Variants in MYO16 observed in about 807,000 individuals in gnomAD.
MYO16 encodes the protein myosin XVI, also known as unconventional myosin-XVI.
In MYO16, 94 loss-of-function variants were observed where a neutral mutation model predicts 205.3. The observed-to-expected ratio is 0.46, with a 90% CI of 0.39 to 0.54. The LOEUF (loss-of-function observed/expected upper bound fraction) is 0.54. MYO16 is among the 20% of genes least tolerant of loss of function. The pLI is 0.00. For synonymous variants in MYO16, 988 were observed against 954.0 expected (o/e 1.04, Z -0.66); for missense variants, 2,315 against 2,387.5 (o/e 0.97, Z 0.63).
upstream of MYO16, among the ~76,000 whole-genome samples, chr13:108,628,165 G>C (rs1181984763): frequency 6.6e-6 from 1 of 152,096 alleles, no homozygotes; most frequent in African/African-American, 2.4e-5. Flanking sequence ...GGTATATAAA[G>C]GCTCTGTTTT....
chr13:108,761,078 C>T (rs986432562), intron 4 of MYO16, among the ~76,000 whole-genome samples: 1 of 152,040 alleles, frequency 6.6e-6, no homozygotes, highest in Non-Finnish European at 1.5e-5. Context: ...CCTTTTTTTG[C>T]CGTTTATCTG....
At chr13:108,604,714 C>T (rs920881671) in intron 1 of MYO16, among the ~76,000 whole-genome samples, 1 of 152,012 alleles carries the variant, frequency 6.6e-6, no homozygotes, top group Admixed American at 6.6e-5. Flanking sequence ...ATGAATATTC[C>T]TTTAGCTGAT....
chr13:108,592,651 G>C (rs1163781163), upstream of MYO16, among the ~76,000 whole-genome samples: 8 of 149,610 alleles, frequency 5.3e-5, no homozygotes, highest in African/African-American at 2.0e-4. Context: ...AGCTGTGTAA[G>C]AGGGAGTGTG....
At chr13:108,498,499 C>T in the MYO16 span, among the ~76,000 whole-genome samples, 1 of 152,138 alleles carries the variant, frequency 6.6e-6, no homozygotes, top group African/African-American at 2.4e-5. Context: ...TCCTTACTCC[C>T]TTCCTGTGTG....
At chr13:108,917,068 G>A (rs981866207) in intron 16 of MYO16, among the ~76,000 whole-genome samples, 3 of 151,270 alleles carry the variant, frequency 2.0e-5, no homozygotes, top group African/African-American at 4.9e-5. Flanking sequence ...ACTCAAATGC[G>A]GCTTCTCTCT....
intron 27 of MYO16, among the ~76,000 whole-genome samples, chr13:109,076,486 CAG>C (rs1888107696): frequency 6.6e-6 from 1 of 152,174 alleles, no homozygotes; most frequent in Admixed American, 6.5e-5. Context: ...TTAATGCAAA[CAG>C]AAACAGCTCC....
intron 21 of MYO16, among the ~76,000 whole-genome samples, chr13:109,007,220 C>G (rs750557079): frequency 2.0e-5 from 3 of 151,990 alleles, no homozygotes; most frequent in South Asian, 2.1e-4. Context: ...AACCCCATCT[C>G]TACTAAAAAT....
At chr13:109,149,946 T>C (rs1352653520) in intron 32 of MYO16, among the ~76,000 whole-genome samples, 2 of 152,230 alleles carry the variant, frequency 1.3e-5, no homozygotes, top group East Asian at 1.9e-4. Flanking sequence ...ACTGAAATTG[T>C]ACTCACTTGC....
chr13:108,962,667 A>G (rs1187473878), intron 19 of MYO16, among the ~76,000 whole-genome samples, 172 bp downstream of exon 19: 4 of 152,036 alleles, frequency 2.6e-5, no homozygotes, highest in Non-Finnish European at 5.9e-5. Flanking sequence ...TAGACTCTTT[A>G]TGCTCCTGAG....
chr13:108,727,866 AT>A (rs1304056741), intron 4 of MYO16, among the ~76,000 whole-genome samples: 1 of 152,150 alleles, frequency 6.6e-6, no homozygotes, highest in African/African-American at 2.4e-5. Flanking sequence ...TGGTTTGATA[AT>A]TTTGCTTTTC....
At chr13:108,647,174 G>A (rs1275578384) in intron 1 of MYO16, among the ~76,000 whole-genome samples, 1 of 152,060 alleles carries the variant, frequency 6.6e-6, no homozygotes, top group Non-Finnish European at 1.5e-5. Flanking sequence ...TTGTCACCCA[G>A]TAGGGCAATT....
At chr13:108,889,613 C>A (rs1880066511) in intron 14 of MYO16, among the ~76,000 whole-genome samples, 1 of 152,168 alleles carries the variant, frequency 6.6e-6, no homozygotes, top group African/African-American at 2.4e-5. Flanking sequence ...TCTCTAGGGG[C>A]CTCTACCTAG....
Position 108,696,087 on chromosome 13 carries a change from C to T in MYO16, c.293-16574C>T, listed in dbSNP as rs138211705. On this transcript the variant is annotated intron_variant, in intron 2 of 34. Coordinates refer to ENST00000457511, the MANE Select transcript of MYO16 (RefSeq NM_001198950.3). ...CATTAAATAATCAATAATCCATGGACGATAGCATTGCTGTGAACGTGTAGC... is the reference window on the plus strand; with the variant it reads ...CATTAAATAATCAATAATCCATGGATGATAGCATTGCTGTGAACGTGTAGC... Among the ~76,000 whole-genome samples the T allele has an allele frequency of 1.2e-4, 18 of 152,196 alleles. 1 individual carries two copies. The highest frequency in any genetic ancestry group is 4.1e-4 in the African/African-American group (17 of 41,522).
At chr13:108,596,234 A>G (rs866301785) in exon 1 of MYO16, 2 of 152,134 alleles carry the variant, frequency 1.3e-5, no homozygotes, top group Non-Finnish European at 1.5e-5. Flanking sequence ...TCTCATCCAC[A>G]TTGTGGTAAG....
At chr13:108,784,537 C>T (rs796978081) in intron 4 of MYO16, among the ~76,000 whole-genome samples, 12 of 151,884 alleles carry the variant, frequency 7.9e-5, no homozygotes, top group African/African-American at 2.7e-4. Context: ...TATTTAGAGC[C>T]GTTCTTTGGA....
At chr13:108,666,886 A>G (rs993460308) in intron 2 of MYO16, among the ~76,000 whole-genome samples, 1 of 152,206 alleles carries the variant, frequency 6.6e-6, no homozygotes, top group Admixed American at 6.5e-5. Context: ...CAAATGTGAG[A>G]TAAATGTTCC....
the MYO16 span, among the ~76,000 whole-genome samples, chr13:108,558,589 A>G: frequency 1.3e-5 from 2 of 152,198 alleles, no homozygotes; most frequent in Non-Finnish European, 2.9e-5. Flanking sequence ...GCTGTCTCGC[A>G]GCAGAAGCCT....
intron 1 of MYO16, among the ~76,000 whole-genome samples, chr13:108,604,915 A>G (rs1377421555): frequency 6.6e-6 from 1 of 152,100 alleles, no homozygotes; most frequent in African/African-American, 2.4e-5. Context: ...AGTTGGATGG[A>G]TGGATTGGTG....
At chr13:108,999,596 A>G (rs1430956015) in intron 21 of MYO16, among the ~76,000 whole-genome samples, 1 of 152,194 alleles carries the variant, frequency 6.6e-6, no homozygotes, top group Non-Finnish European at 1.5e-5. Flanking sequence ...ACAGTCTTCA[A>G]AAACCTGTTT....
Sources: gnomAD v4.1 joint callset for allele counts (sites outside exome capture counted in the v4.1 genomes callset) on GRCh38, gnomAD v4.1.1 for gene constraint, MANE v1.5 for transcripts, NCBI Gene and HGNC (gene_info 2026-07-23, HGNC 2026-07-21) for gene names.